The following DMD variants were observed in gnomAD, a reference collection of about 807,000 sequenced individuals.
DMD encodes the protein dystrophin.
Under a neutral mutation model 330.1 loss-of-function variants are expected in DMD, and 63 were observed. The ratio of observed to expected loss-of-function variants is 0.19; its 90% CI spans 0.16 to 0.24. The LOEUF is 0.24. Ranked by LOEUF, DMD falls within the 10% of genes least tolerant of loss-of-function variation. The probability of loss-of-function intolerance (pLI) is 1.00; values close to 1 mark genes in which losing one functional copy is unlikely to be tolerated. For missense variants in DMD, 3,344 were observed against 2,684.1 expected (o/e 1.25, Z -5.43); for synonymous variants, 1,223 against 959.8 (o/e 1.27, Z -5.07).
chrX:31,845,029 C>CATATATATATATATGTATATGTGTGT (rs1569474340), intron 48 of DMD, among the ~76,000 whole-genome samples: 2 of 90,644 alleles, frequency 2.2e-5, no homozygotes, highest in African/African-American at 8.4e-5. Flanking sequence ...TATGTGTATA[C>CATATATATATATATGTATATGTGTGT]ATATATATAT....
At position 32,644,150 on chromosome X, in the gene DMD, C is replaced by T; in HGVS notation, c.1313G>A (p.Ser438Asn). The T allele has an allele frequency of 2.5e-6, 3 of 1,207,518 alleles. No homozygotes were observed. Among genetic ancestry groups the T allele is most frequent in the Non-Finnish European group, 3.4e-6 (3 of 893,363 alleles). ...NSRWECLRVA[S>N]MEKQSNLHRV... ...GACTTACTTGCTTTGTTTTTCCATG[C>T]TAGCTACCCTGAGGCATTCCCATCT... Residue 438 changes from serine (S) to asparagine (N), a missense_variant, in exon 11 of 79, where the codon AGC becomes AAC. By Grantham distance (46) the Ser-to-Asn change is conservative (BLOSUM62 1). Coordinates refer to ENST00000357033, the MANE Select transcript of DMD (RefSeq NM_004006.3).
intron 7 of DMD, among the ~76,000 whole-genome samples, chrX:32,702,831 A>G (rs2064255801): frequency 9.0e-6 from 1 of 111,416 alleles, no homozygotes; most frequent in African/African-American, 3.3e-5. Context: ...CAGTCTTTGG[A>G]AATGCCTATA....
At chrX:32,044,233 C>T (rs891131427) in intron 44 of DMD, among the ~76,000 whole-genome samples, 3 of 110,728 alleles carry the variant, frequency 2.7e-5, no homozygotes, top group Non-Finnish European at 5.7e-5. Flanking sequence ...CTATTACACA[C>T]ACCAAACATA....
At chrX:31,319,060 T>TGATCTCTCCATTTGATCTC (rs1470918221) in intron 62 of DMD, among the ~76,000 whole-genome samples, 6 of 112,238 alleles carry the variant, frequency 5.3e-5, no homozygotes, top group Non-Finnish European at 1.1e-4. Context: ...ATCTCTCCAT[T>TGATCTCTCCATTTGATCTC]TCTGCACCAA....
intron 44 of DMD, among the ~76,000 whole-genome samples, chrX:32,214,009 T>A (rs60226089): frequency 0.031 from 3,485 of 111,018 alleles, 144 homozygotes; most frequent in African/African-American, 0.11. Flanking sequence ...AAAGTTTTGA[T>A]AAAATGTTCA....
At chrX:31,207,359 A>G (rs1307627375) in intron 65 of DMD, among the ~76,000 whole-genome samples, 2 of 97,788 alleles carry the variant, frequency 2.0e-5, no homozygotes, top group Non-Finnish European at 4.2e-5. Flanking sequence ...TTGCATATAG[A>G]AAACTGAAAT....
intron 52 of DMD, among the ~76,000 whole-genome samples, chrX:31,722,267 C>T (rs911586443): frequency 1.6e-4 from 17 of 109,607 alleles, no homozygotes; most frequent in African/African-American, 5.0e-4. Flanking sequence ...TACAGGTGCC[C>T]GCCACCATGC....
In DMD at chrX:31,508,101, G is replaced by A; in HGVS notation, c.8218-648C>T. ...TAATACACATTTTTAGGCTTGACAG[G>A]TGGAAAGTACATAGGACCTTGGTAA... On this transcript the variant is annotated intron_variant, in intron 55 of 78. Coordinates refer to ENST00000357033, the MANE Select transcript of DMD (RefSeq NM_004006.3). 4 of 583,595 alleles carry A rather than the reference G, an allele frequency of 6.9e-6. No individual in the cohort carries two copies. In the South Asian group the frequency reaches 9.1e-5, roughly 13 times the overall value. 48.1% of individuals were successfully genotyped at this position (583,595 alleles called of 1,213,427 possible).
chrX:32,023,457 G>A (rs1159055767), intron 44 of DMD, among the ~76,000 whole-genome samples: 2 of 111,258 alleles, frequency 1.8e-5, no homozygotes, highest in Non-Finnish European at 3.8e-5. Context: ...CAATATCGAC[G>A]TGTATGTCTC....
intron 2 of DMD, among the ~76,000 whole-genome samples, chrX:32,859,512 A>ACACACAC: frequency 1.0e-5 from 1 of 95,379 alleles, no homozygotes; most frequent in Non-Finnish European, 2.2e-5. Flanking sequence ...CACACACACA[A>ACACACAC]GTTAAAGTCT....
intron 62 of DMD, among the ~76,000 whole-genome samples, chrX:31,287,005 T>C (rs751251396): frequency 1.1e-4 from 12 of 112,556 alleles, no homozygotes; most frequent in Non-Finnish European, 2.1e-4. Flanking sequence ...GATTAAGCGA[T>C]CTGCCCTCCT....
At chrX:31,883,740 AT>A (rs902346750) in intron 47 of DMD, among the ~76,000 whole-genome samples, 2 of 111,953 alleles carry the variant, frequency 1.8e-5, no homozygotes, top group African/African-American at 6.5e-5. Context: ...ACACTGAAAA[AT>A]ATTAATGACA....
At chrX:32,138,305 T>C (rs1490618852) in intron 44 of DMD, among the ~76,000 whole-genome samples, 4 of 111,479 alleles carry the variant, frequency 3.6e-5, no homozygotes, top group Admixed American at 9.6e-5. Flanking sequence ...TTTAGAGTCA[T>C]TCAGATCTTG....
chrX:31,512,450 G>C (rs1413849743), intron 55 of DMD, among the ~76,000 whole-genome samples: 1 of 102,207 alleles, frequency 9.8e-6, no homozygotes, highest in East Asian at 3.1e-4. Context: ...TTTTCTTCTA[G>C]GGTTTTTATG....
chrX:33,031,336 G>A, intron 1 of DMD, among the ~76,000 whole-genome samples: 1 of 110,382 alleles, frequency 9.1e-6, no homozygotes, highest in Non-Finnish European at 1.9e-5. Context: ...CAATTGCTAA[G>A]CATGCCCTGT....
At chrX:33,103,690 G>A (rs2095261133) in intron 1 of DMD, among the ~76,000 whole-genome samples, 1 of 111,562 alleles carries the variant, frequency 9.0e-6, no homozygotes, top group African/African-American at 3.3e-5. Flanking sequence ...CACAAAGCCT[G>A]TTTGGTGGTC....
At chrX:33,008,871 CTCATAT>C (rs2093466620) in intron 2 of DMD, among the ~76,000 whole-genome samples, 1 of 41,266 alleles carries the variant, frequency 2.4e-5, no homozygotes, top group African/African-American at 8.4e-5. Context: ...TATACACATA[CTCATAT>C]ATGTATATAT....
At position 31,972,374 on chromosome X, in the gene DMD, T is replaced by C. The variant is rs181629191; in HGVS notation, c.6439-3860A>G. ...GAAGGATATAAGAAAAAGAAACCAC[T>C]ACCTTTTCTATGAAAACATTACGTA... is the stretch of plus-strand genomic sequence containing the variant. On this transcript the variant is annotated intron_variant, in intron 44 of 78. Transcript: ENST00000357033. Among the ~76,000 whole-genome samples, 258 of 111,666 alleles carry C rather than the reference T, an allele frequency of 2.3e-3. 2 individuals carry two copies. The highest frequency in any genetic ancestry group is 3.9e-3 in the Non-Finnish European group (204 of 52,966).
intron 1 of DMD, among the ~76,000 whole-genome samples, chrX:33,072,213 T>C (rs927642850): frequency 9.0e-6 from 1 of 111,266 alleles, no homozygotes; most frequent in Non-Finnish European, 1.9e-5. Flanking sequence ...AGGTCAGGAG[T>C]TTAAGACTAG....
Sources: gnomAD v4.1 joint callset for allele counts (sites outside exome capture counted in the v4.1 genomes callset) on GRCh38, gnomAD v4.1.1 for gene constraint, MANE v1.5 for transcripts, NCBI Gene and HGNC (gene_info 2026-07-23, HGNC 2026-07-21) for gene names.